The following OPA1 variants were observed in gnomAD, a reference collection of about 807,000 sequenced individuals.
OPA1 encodes the protein dynamin-like GTPase OPA1, mitochondrial.
OPA1 carries 59 observed loss-of-function variants against 152.9 expected under a neutral mutation model. That is an observed-to-expected ratio of 0.39 (90% CI 0.31 to 0.48). The LOEUF is 0.48. Ranked by LOEUF, OPA1 falls within the 20% of genes least tolerant of loss-of-function variation. The pLI is 0.96. For synonymous variants in OPA1, 400 were observed against 389.9 expected (o/e 1.03, Z -0.31); for missense variants, 1,008 against 1,216.8 (o/e 0.83, Z 2.55).
intron 10 of OPA1, among the ~76,000 whole-genome samples, chr3:193,637,689 G>C (rs764911797): frequency 6.6e-6 from 1 of 152,044 alleles, no homozygotes; most frequent in Admixed American, 6.6e-5. Flanking sequence ...TTAATAACCT[G>C]GTTTTAGAAA....
At chr3:193,622,796 T>G (rs542265640) in intron 6 of OPA1, among the ~76,000 whole-genome samples, 1 of 152,322 alleles carries the variant, frequency 6.6e-6, no homozygotes, top group South Asian at 2.1e-4. Flanking sequence ...TGGGATAGTC[T>G]TGTGTCTTAG....
rs746387330 is a variant in OPA1, at chr3:193,662,914, A to T, written c.2613A>T (p.Thr871=). The T allele has an allele frequency of 6.2e-7, 1 of 1,613,722 alleles. No individual in the cohort carries two copies. Among genetic ancestry groups the T allele is most frequent in the African/African-American group, 1.3e-5 (1 of 75,046 alleles). The change falls in exon 26 of 31, where the codon ACA becomes ACT. Residue 871 remains threonine (T), a synonymous_variant. Coordinates refer to ENST00000361510, the MANE Select transcript of OPA1 (RefSeq NM_130837.3). ...ATCTTGCAAGTGATGAAATAACCAC[A>T]GTCCGGAAGAACCTTGAATCCCGAG... ...PAYLASDEIT[T]VRKNLESRGV...
At chr3:193,676,678 G>A (rs1719034657) in intron 29 of OPA1, among the ~76,000 whole-genome samples, 1 of 152,146 alleles carries the variant, frequency 6.6e-6, no homozygotes, top group Non-Finnish European at 1.5e-5. Flanking sequence ...GCCTAAGTCT[G>A]TCTTTAAAAG....
Position 193,645,716 on chromosome 3 carries a change from A to T in OPA1, c.1682-12A>T, listed in dbSNP as rs1160834190. On this transcript the variant is annotated splice_polypyrimidine_tract_variant and intron_variant, in intron 17 of 30. Transcript: ENST00000361510. ...TTTTCTTGATGAAAATTTGACCATC[A>T]TTCTTCCCCAGGGAACAGCTCTGAA... The T allele has an allele frequency of 2.5e-6, 4 of 1,613,160 alleles. No individual in the cohort carries two copies. Among genetic ancestry groups the T allele is most frequent in the Non-Finnish European group, 3.4e-6 (4 of 1,179,406 alleles).
At chr3:193,669,788 T>C (rs2109305590) in intron 29 of OPA1, among the ~76,000 whole-genome samples, 1 of 152,306 alleles carries the variant, frequency 6.6e-6, no homozygotes, top group South Asian at 2.1e-4. Flanking sequence ...TGCAACCCCA[T>C]TACTCTCCGC....
Position 193,657,373 on chromosome 3 carries a change from G to A in OPA1, c.2331+141G>A, listed in dbSNP as rs998855663. The A allele has an allele frequency of 2.7e-5, 22 of 801,542 alleles. No homozygotes were observed. The African/African-American group carries it at 3.5e-4, about 13-fold the overall frequency. 49.7% of individuals were successfully genotyped at this position (801,542 alleles called of 1,614,324 possible). A position where few individuals can be genotyped will look rare whatever the true frequency, so the allele number is the denominator to read the frequency against. On this transcript the variant is annotated intron_variant, in intron 23 of 30. Coordinates refer to ENST00000361510, the MANE Select transcript of OPA1 (RefSeq NM_130837.3). ...AAGTAAAGAAACAGATTTATGATCT[G>A]TAATCTGCCCTTTAATATTTCCCTG...
In OPA1 at chr3:193,614,897, T is replaced by C; in HGVS notation, c.207T>C (p.Pro69=). 1.9e-6 allele frequency: 3 copies of C among 1,614,014 alleles called. No homozygotes were observed. Among genetic ancestry groups the C allele is most frequent in the Non-Finnish European group, 2.5e-6 (3 of 1,179,914 alleles). The change falls in exon 2 of 31, where the codon CCT becomes CCC. Residue 69 remains proline (P), a synonymous_variant. Transcript: ENST00000361510. ...AGTTCTCTTCTCTGACAAACCTTCC[T>C]TTACGTAAACTGAAATTCTCTCCAA... ...FQQFSSLTNL[P]LRKLKFSPIK... is the part of the protein sequence containing the mutation.
chr3:193,606,417 T>G, intron 1 of OPA1, among the ~76,000 whole-genome samples: 1 of 90,652 alleles, frequency 1.1e-5, no homozygotes, highest in Admixed American at 1.2e-4. Flanking sequence ...CCCTCCCCCC[T>G]CCCCCAACCC....
chr3:193,608,981 C>A (rs934295343), intron 1 of OPA1, among the ~76,000 whole-genome samples: 4 of 152,062 alleles, frequency 2.6e-5, no homozygotes, highest in African/African-American at 7.2e-5. Context: ...CTCTTTTGAT[C>A]TTTGTTGGTT....
At chr3:193,684,947 G>A (rs972181395) in intron 29 of OPA1, among the ~76,000 whole-genome samples, 1 of 152,134 alleles carries the variant, frequency 6.6e-6, no homozygotes, top group Non-Finnish European at 1.5e-5. Context: ...GGTTTTAATT[G>A]TACTAGCCAA....
intron 29 of OPA1, among the ~76,000 whole-genome samples, chr3:193,681,171 A>C (rs1720068936): frequency 6.6e-6 from 1 of 152,208 alleles, no homozygotes; most frequent in Non-Finnish European, 1.5e-5. Flanking sequence ...CCCATGCAGA[A>C]ATTATTTATG....
intron 23 of OPA1, among the ~76,000 whole-genome samples, 172 bp downstream of exon 23, chr3:193,657,404 C>T (rs1023441968): frequency 6.6e-6 from 1 of 152,166 alleles, no homozygotes; most frequent in Non-Finnish European, 1.5e-5. Flanking sequence ...CCCTGCCCTT[C>T]TAAAATCACC....
chr3:193,667,978 G>A (rs1717018425), intron 29 of OPA1, among the ~76,000 whole-genome samples: 2 of 152,096 alleles, frequency 1.3e-5, no homozygotes, highest in Non-Finnish European at 2.9e-5. Flanking sequence ...TATATATGCT[G>A]TTATTGGAAT....
chr3:193,625,624 G>C (rs1010953805), intron 6 of OPA1, among the ~76,000 whole-genome samples: 3 of 151,780 alleles, frequency 2.0e-5, no homozygotes, highest in Non-Finnish European at 4.4e-5. Flanking sequence ...CCTGTTCCTA[G>C]GGACCTTTAC....
chr3:193,660,408 A>G (rs975641880), intron 25 of OPA1, among the ~76,000 whole-genome samples: 7 of 152,226 alleles, frequency 4.6e-5, no homozygotes, highest in Middle Eastern at 6.8e-3. Flanking sequence ...TTAGCATCCA[A>G]TCCATTTTCT....
At chr3:193,689,681 A>T (rs1308163949) in intron 29 of OPA1, among the ~76,000 whole-genome samples, 2 of 152,150 alleles carry the variant, frequency 1.3e-5, no homozygotes, top group African/African-American at 4.8e-5. Flanking sequence ...TAGTCCATCC[A>T]GCTTAAGATG....
rs1734162414 is a variant in OPA1 at position 193,643,970 on chromosome 3, T to C, written c.1478-5T>C. On this transcript the variant is annotated splice_region_variant and splice_polypyrimidine_tract_variant and intron_variant, in intron 15 of 30. Transcript: ENST00000361510. Reference sequence around the variant, plus strand: ...TCCACAGTGTCATTTTTTTATTTTTTTCAGATGGATCTGTGGATGCTGAAC... The same window carrying C: ...TCCACAGTGTCATTTTTTTATTTTTCTCAGATGGATCTGTGGATGCTGAAC... The C allele has an allele frequency of 2.5e-6, 4 of 1,613,506 alleles. No homozygotes were observed. The African/African-American group carries it at 4.0e-5, about 16-fold the overall frequency.
At position 193,622,226 on chromosome 3, in the gene OPA1, CTTTTTTTTTTT is replaced by C. The variant is rs758993120; in HGVS notation, c.678+3301_678+3311del. Among the ~76,000 whole-genome samples, 63 of 107,900 alleles carry C rather than the reference CTTTTTTTTTTT, an allele frequency of 5.8e-4. 1 individual carries two copies. The South Asian group carries it at 0.017, about 29-fold the overall frequency. The allele number at this position is 107,900 out of a possible 152,430, so 70.8% of individuals were successfully genotyped here. On this transcript the variant is annotated intron_variant, in intron 6 of 30. Transcript: ENST00000361510. Reference sequence around the variant, plus strand: ...TTTCTTGCAACATATTACTCTCATTCTTTTTTTTTTTTTTTTTTTTTGAGACGGAGTCTCAC... The same window carrying C: ...TTTCTTGCAACATATTACTCTCATTCTTTTTTTTTTGAGACGGAGTCTCAC...
intron 29 of OPA1, chr3:193,691,755 G>A: frequency 5.1e-6 from 1 of 195,054 alleles, no homozygotes; most frequent in Non-Finnish European, 1.1e-5. Flanking sequence ...GAGAATCTGA[G>A]AATTCCTTAA....
Sources: allele counts gnomAD v4.1 joint callset (sites outside exome capture counted in the v4.1 genomes callset), GRCh38; gene constraint gnomAD v4.1.1; transcripts MANE v1.5; gene names NCBI Gene and HGNC (gene_info 2026-07-23, HGNC 2026-07-21).